Variants in HTR7 observed in about 807,000 individuals in gnomAD.
The protein encoded by HTR7 is 5-hydroxytryptamine receptor 7.
HTR7 carries 16 observed loss-of-function variants against 34.0 expected under a neutral mutation model. The observed-to-expected ratio is 0.47, with a 90% confidence interval of 0.32 to 0.71. HTR7 has a LOEUF of 0.71. HTR7 is among the 30% of genes least tolerant of loss of function. HTR7 has a pLI of 0.04. For missense variants in HTR7, 504 were observed against 625.5 expected, an observed-to-expected ratio of 0.81 and a Z score of 2.07; for synonymous variants, 265 against 260.2, an observed-to-expected ratio of 1.02 and a Z score of -0.18.
chr10:90,754,896 T>TC (rs1844810177), intron 1 of HTR7, among the ~76,000 whole-genome samples: 3 of 152,210 alleles, frequency 2.0e-5, no homozygotes, highest in Non-Finnish European at 4.4e-5. Context: ...TTAGAACACC[T>TC]CCTCCAGGAG....
intron 1 of HTR7, among the ~76,000 whole-genome samples, chr10:90,840,179 A>T (rs72810818): frequency 0.044 from 2,432 of 54,970 alleles, 19 homozygotes; most frequent in African/African-American, 0.069. Flanking sequence ...TCTCTCTCTC[A>T]CACACACACA....
At chr10:90,799,292 A>G (rs984555645) in intron 1 of HTR7, among the ~76,000 whole-genome samples, 3 of 151,976 alleles carry the variant, frequency 2.0e-5, no homozygotes, top group African/African-American at 7.3e-5. Flanking sequence ...GCTCCAGGAG[A>G]CTGATTTGAG....
chr10:90,839,500 T>C lies in HTR7; in HGVS notation c.539+17633A>G, dbSNP rs1846296689. 2.0e-5 allele frequency among the ~76,000 whole-genome samples: 3 copies of C among 152,110 alleles called. 1 individual carries two copies. The South Asian group carries it at 6.2e-4, about 32-fold the overall frequency. On this transcript the variant is annotated intron_variant, in intron 1 of 3. Coordinates refer to ENST00000336152, the MANE Select transcript of HTR7 (RefSeq NM_019859.4). The stretch of plus-strand genomic sequence containing the variant: ...ATGTAGCTGCCTCTCTTTTAGAGAA[T>C]GGAATATGTTATAAGCATGCCCAGA...
chr10:90,753,052 G>A (rs1035395921), intron 1 of HTR7, among the ~76,000 whole-genome samples: 2 of 152,174 alleles, frequency 1.3e-5, no homozygotes, highest in Non-Finnish European at 2.9e-5. Context: ...AAATCATTCT[G>A]TGAAGAGTTA....
At chr10:90,830,930 G>T (rs996530309) in intron 1 of HTR7, among the ~76,000 whole-genome samples, 2 of 152,174 alleles carry the variant, frequency 1.3e-5, no homozygotes, top group African/African-American at 4.8e-5. Context: ...TATGTTGGAG[G>T]ATCTCCAGAC....
chr10:90,855,986 A>C (rs1781153401), intron 1 of HTR7, among the ~76,000 whole-genome samples: 1 of 152,196 alleles, frequency 6.6e-6, no homozygotes, highest in African/African-American at 2.4e-5. Context: ...AGCAAACCAC[A>C]AACAGCAGTG....
At chr10:90,809,204 C>T (rs1015213719) in intron 1 of HTR7, among the ~76,000 whole-genome samples, 2 of 152,202 alleles carry the variant, frequency 1.3e-5, no homozygotes, top group African/African-American at 4.8e-5. Flanking sequence ...CCCGGTCTGG[C>T]TTACAGTTTC....
At chr10:90,819,720 A>G (rs1345065377) in intron 1 of HTR7, among the ~76,000 whole-genome samples, 2 of 152,184 alleles carry the variant, frequency 1.3e-5, no homozygotes, top group Non-Finnish European at 2.9e-5. Context: ...AAGAAACACA[A>G]ATACCACCAC....
chr10:90,824,799 G>GA (rs2120025237), intron 1 of HTR7, among the ~76,000 whole-genome samples: 1 of 152,350 alleles, frequency 6.6e-6, no homozygotes, highest in Non-Finnish European at 1.5e-5. Flanking sequence ...GTGGAAGGGG[G>GA]AGGGACTATT....
chr10:90,840,184 C>T (rs1374630923), intron 1 of HTR7, among the ~76,000 whole-genome samples: 1 of 148,556 alleles, frequency 6.7e-6, no homozygotes, highest in Non-Finnish European at 1.5e-5. Flanking sequence ...CTCTCACACA[C>T]ACACACACAC....
rs576667695 is a variant in HTR7, at chr10:90,854,753, GC to G, written c.539+2379del. ...AAATGAAAGGTTCCATTTTAGACAGGCTAAATGCCCAACAGATATCCAAACT... is the reference window on the plus strand; with the variant it reads ...AAATGAAAGGTTCCATTTTAGACAGGTAAATGCCCAACAGATATCCAAACT... On this transcript the variant is annotated intron_variant, in intron 1 of 3. Coordinates refer to ENST00000336152, the MANE Select transcript of HTR7 (RefSeq NM_019859.4). Among the ~76,000 whole-genome samples the G allele has an allele frequency of 1.7e-3, 260 of 152,244 alleles. 2 individuals are homozygous for G. Among genetic ancestry groups the G allele is most frequent in the African/African-American group, 6.0e-3 (251 of 41,528 alleles).
At chr10:90,771,192 C>T (rs533328452) in intron 1 of HTR7, among the ~76,000 whole-genome samples, 5 of 152,302 alleles carry the variant, frequency 3.3e-5, no homozygotes, top group Non-Finnish European at 7.4e-5. Flanking sequence ...GCTGAACACT[C>T]AATGGGACAC....
Position 90,759,128 on chromosome 10 carries a change from G to A in HTR7, c.540-9534C>T, listed in dbSNP as rs557073063. On this transcript the variant is annotated intron_variant, in intron 1 of 3. Transcript: ENST00000336152. ...CTTGAACCCGGGAGGTGGAGGTTGC[G>A]GTGAGCCGAGATCGTGCCATTGCAC... Among the ~76,000 whole-genome samples, 210 of 150,344 alleles carry A rather than the reference G, an allele frequency of 1.4e-3. 1 individual carries two copies. The highest frequency in any genetic ancestry group is 4.8e-3 in the African/African-American group (195 of 40,912).
chr10:90,828,163 AATG>A (rs1402920341), intron 1 of HTR7, among the ~76,000 whole-genome samples: 1 of 152,224 alleles, frequency 6.6e-6, no homozygotes, highest in Non-Finnish European at 1.5e-5. Context: ...TATCGAAACA[AATG>A]ATAATGGAAA....
intron 1 of HTR7, among the ~76,000 whole-genome samples, chr10:90,817,701 C>G (rs183134486): frequency 1.3e-5 from 2 of 152,172 alleles, no homozygotes; most frequent in Non-Finnish European, 1.5e-5. Context: ...CTCAATAAAC[C>G]TCAATGATTT....
At chr10:90,775,157 C>T (rs1371101015) in intron 1 of HTR7, among the ~76,000 whole-genome samples, 3 of 152,322 alleles carry the variant, frequency 2.0e-5, no homozygotes, top group African/African-American at 4.8e-5. Flanking sequence ...GTTTGCTTCA[C>T]TTAAACTTAT....
At chr10:90,810,324 A>C (rs1845785639) in intron 1 of HTR7, among the ~76,000 whole-genome samples, 2 of 151,962 alleles carry the variant, frequency 1.3e-5, no homozygotes, top group African/African-American at 4.8e-5. Flanking sequence ...CCACAAGTAT[A>C]GGATACTTCT....
At position 90,754,229 on chromosome 10, in the gene HTR7, G is replaced by T. The variant is rs1589436450; in HGVS notation, c.540-4635C>A. Among the ~76,000 whole-genome samples the T allele has an allele frequency of 2.6e-5, 4 of 151,980 alleles. No homozygotes were observed. The East Asian group carries it at 7.7e-4, about 29-fold the overall frequency. ...TTAGCTTGTCAAAAGTACTTTATTA[G>T]AATACATTCATAAGTTTATACAAAA... On this transcript the variant is annotated intron_variant, in intron 1 of 3. Coordinates refer to ENST00000336152, the MANE Select transcript of HTR7 (RefSeq NM_019859.4).
intron 1 of HTR7, among the ~76,000 whole-genome samples, chr10:90,766,099 C>G (rs1478356092): frequency 1.3e-5 from 2 of 152,074 alleles, no homozygotes; most frequent in Non-Finnish European, 2.9e-5. Flanking sequence ...ATGATTTATT[C>G]ATTGTTGAGA....
Sources: gnomAD v4.1 joint callset for allele counts (sites outside exome capture counted in the v4.1 genomes callset) on GRCh38, gnomAD v4.1.1 for gene constraint, MANE v1.5 for transcripts, NCBI Gene and HGNC (gene_info 2026-07-23, HGNC 2026-07-21) for gene names.